Variants in CPT1C observed in about 807,000 individuals in gnomAD.
The protein encoded by CPT1C is carnitine palmitoyltransferase 1C, also known as palmitoyl thioesterase CPT1C.
A neutral mutation model predicts 97.3 loss-of-function variants in CPT1C; 61 were observed. The observed-to-expected ratio is 0.63, with a 90% CI of 0.51 to 0.78. The LOEUF (loss-of-function observed/expected upper bound fraction) is 0.78, where lower values mean the gene tolerates loss of function less well. CPT1C is among the 30% of genes least tolerant of loss of function. CPT1C has a pLI of 0.00. For synonymous variants in CPT1C, 469 were observed against 447.2 expected, an observed-to-expected ratio of 1.05 and a Z score of -0.61; for missense variants, 975 against 1,065.5, an observed-to-expected ratio of 0.92 and a Z score of 1.18.
chr19:49,711,378 AT>A (rs1194568041), intron 16 of CPT1C: 2 of 162,164 alleles, frequency 1.2e-5, no homozygotes, highest in African/African-American at 4.9e-5. Context: ...AAGTGCTGGG[AT>A]TACAGGCGTG....
In CPT1C at chr19:49,708,707, C is replaced by A. The variant is rs1168835732; in HGVS notation, c.1450-16C>A. The A allele has an allele frequency of 1.3e-6, 2 of 1,592,632 alleles. No individual in the cohort carries two copies. Among genetic ancestry groups the A allele is most frequent in the African/African-American group, 1.3e-5 (1 of 74,446 alleles). ...ACAGGGAGGAAGGGACTCTAACAGC[C>A]TCTGTTTGCCCACAGTTCACTCTGG... On this transcript the variant is annotated splice_polypyrimidine_tract_variant and intron_variant, in intron 13 of 19. Transcript: ENST00000598293.
At position 49,702,143 on chromosome 19, in the gene CPT1C, ATATT is replaced by A. The variant is rs1346424975; in HGVS notation, c.693+517_693+520del. Among the ~76,000 whole-genome samples the A allele has an allele frequency of 7.5e-4, 72 of 95,412 alleles. 5 individuals are homozygous for A. Among genetic ancestry groups the A allele is most frequent in the African/African-American group, 3.7e-3 (59 of 15,846 alleles). 62.6% of individuals were successfully genotyped at this position (95,412 alleles called of 152,430 possible). Reference sequence around the variant, plus strand: ...TTATTTATAAATTATAAATAAATATATATTTATTTATAAATTATAAATAAATATA... The same window carrying A: ...TTATTTATAAATTATAAATAAATATATATTTATAAATTATAAATAAATATA... On this transcript the variant is annotated intron_variant, in intron 7 of 19. Coordinates refer to ENST00000598293, the MANE Select transcript of CPT1C (RefSeq NM_001199753.2).
At position 49,705,038 on chromosome 19, in the gene CPT1C, A is replaced by G; in HGVS notation, c.803A>G (p.Gln268Arg). ...DFLYVTPTPL[Q>R]AARAGNAVHA... ...CTGTATGTCACACCCACGCCTCTGCAGGCAGCTCGCGCTGGGAATGCCGTC... is the reference window on the plus strand; with the variant it reads ...CTGTATGTCACACCCACGCCTCTGCGGGCAGCTCGCGCTGGGAATGCCGTC... The change falls in exon 9 of 20, where the codon CAG becomes CGG. Residue 268 changes from glutamine (Q) to arginine (R), a missense_variant. By Grantham distance (43) the Gln-to-Arg change is conservative. Around this residue, in one of 3 missense-constraint regions of CPT1C, gnomAD observed 596 missense variants for 603.1 expected, o/e 0.99. Coordinates refer to ENST00000598293, the MANE Select transcript of CPT1C (RefSeq NM_001199753.2). The G allele has an allele frequency of 6.2e-7, 1 of 1,608,268 alleles. No individual in the cohort carries two copies.
At chr19:49,702,619 C>CA (rs1175232968) in intron 7 of CPT1C, among the ~76,000 whole-genome samples, 93 of 75,726 alleles carry the variant, frequency 1.2e-3, no homozygotes, top group Middle Eastern at 0.017. Flanking sequence ...GACTCTGTCT[C>CA]AAAAAAAAAA....
chr19:49,712,046 A>T lies in CPT1C; in HGVS notation c.2019+85A>T. 2.0e-6 allele frequency: 3 copies of T among 1,515,620 alleles called. No homozygotes were observed. The South Asian group carries it at 3.7e-5, about 19-fold the overall frequency. 93.9% of individuals were successfully genotyped at this position (1,515,620 alleles called of 1,614,324 possible). ...TTTCAGGGAAGGAGGGTGATGTTGA[A>T]AAAGGACCCATCAAGGCCGGGCACG... On this transcript the variant is annotated intron_variant, in intron 17 of 19. Transcript: ENST00000598293.
chr19:49,693,788 G>A (rs186802940), intron 3 of CPT1C, among the ~76,000 whole-genome samples: 2 of 152,080 alleles, frequency 1.3e-5, no homozygotes, highest in African/African-American at 4.8e-5. Flanking sequence ...GTCGGGCACG[G>A]TGGCTCATGC....
Position 49,710,316 on chromosome 19 carries a change from G to T in CPT1C, c.1567-4G>T, listed in dbSNP as rs1449201040. 1.3e-5 allele frequency: 21 copies of T among 1,613,296 alleles called. No homozygotes were observed. Among genetic ancestry groups the T allele is most frequent in the Non-Finnish European group, 1.7e-5 (20 of 1,179,556 alleles). On this transcript the variant is annotated splice_region_variant and splice_polypyrimidine_tract_variant and intron_variant, in intron 14 of 19. Coordinates refer to ENST00000598293, the MANE Select transcript of CPT1C (RefSeq NM_001199753.2). ...ACTACTCCTCTTCCCTCCTCCTCTG[G>T]CAGATCCACTCCTCCATCTCTCTAG...
chr19:49,704,835 G>A, intron 8 of CPT1C, 48 bp downstream of exon 8: 4 of 1,560,302 alleles, frequency 2.6e-6, no homozygotes, highest in Non-Finnish European at 3.5e-6. Flanking sequence ...CTAGGGTTGG[G>A]GGGTACCTGG....
rs2123507562 is a variant in CPT1C at position 49,711,863 on chromosome 19, C to T, written c.1921C>T (p.Leu641=). The T allele has an allele frequency of 6.2e-7, 1 of 1,614,052 alleles. No individual in the cohort carries two copies. The highest frequency in any genetic ancestry group is 1.3e-5 in the African/African-American group (1 of 75,070). The part of the protein sequence containing the change: ...RVAVDKHQAL[L]KAAMSGQGVD... Reference sequence around the variant, plus strand: ...GGCAGTGGACAAGCACCAGGCTCTGCTGAAGGCAGCCATGAGCGGGCAGGG... The same window carrying T: ...GGCAGTGGACAAGCACCAGGCTCTGTTGAAGGCAGCCATGAGCGGGCAGGG... Residue 641 remains leucine, a synonymous_variant, in exon 17 of 20, where the codon CTG becomes TTG. Transcript: ENST00000598293.
At chr19:49,705,801 TA>T in intron 10 of CPT1C, 107 bp from the exon 11 acceptor site, 1 of 999,796 alleles carries the variant, frequency 1.0e-6, no homozygotes, top group Non-Finnish European at 1.5e-6. Context: ...TGATGATTAC[TA>T]GGGTACTTTG....
rs368211780 is a variant in CPT1C, at chr19:49,707,563, G to A, written c.1389G>A (p.Lys463=). ...SFTLIVFSNG[K]LGLSVEHSWA... is the part of the protein sequence containing the mutation. ...CCCTAATCGTCTTCTCTAACGGGAA[G>A]CTGGGCCTCAGCGTGGAGCACTCCT... Residue 463 remains lysine, a synonymous_variant, in exon 13 of 20, where the codon AAG becomes AAA. Transcript: ENST00000598293. 3.7e-6 allele frequency: 6 copies of A among 1,613,862 alleles called. No homozygotes were observed. Among genetic ancestry groups the A allele is most frequent in the Non-Finnish European group, 3.4e-6 (4 of 1,179,950 alleles).
intron 3 of CPT1C, among the ~76,000 whole-genome samples, chr19:49,693,996 C>T (rs1486496665): frequency 1.3e-5 from 2 of 151,652 alleles, no homozygotes; most frequent in Non-Finnish European, 2.9e-5. Flanking sequence ...ATCCGGGAGG[C>T]GGAGCTTGCA....
chr19:49,700,488 G>A (rs1454664426), intron 4 of CPT1C, among the ~76,000 whole-genome samples, 196 bp from the exon 5 acceptor site: 2 of 152,220 alleles, frequency 1.3e-5, no homozygotes, highest in Non-Finnish European at 1.5e-5. Context: ...TCCATGGAAA[G>A]TGACTTTGGA....
At chr19:49,708,631 C>G (rs1300564053) in intron 13 of CPT1C, 92 bp from the exon 14 acceptor site, 2 of 888,324 alleles carry the variant, frequency 2.3e-6, no homozygotes, top group African/African-American at 1.7e-5. Context: ...CTGCCCCCTA[C>G]CCGAAAAAGG....
chr19:49,710,237 C>T (rs2083772852), intron 14 of CPT1C, 83 bp from the exon 15 acceptor site: 3 of 1,371,470 alleles, frequency 2.2e-6, no homozygotes, highest in South Asian at 2.5e-5. Flanking sequence ...TCCACATCCA[C>T]CTCCGCTTCC....
intron 5 of CPT1C, 72 bp from the exon 6 acceptor site, chr19:49,701,245 C>A: frequency 7.6e-7 from 1 of 1,311,034 alleles, no homozygotes; most frequent in Non-Finnish European, 1.1e-6. Context: ...TTCTGTCCCA[C>A]TGTCGACCCC....
chr19:49,701,445 TGGGGCGGCC>T, intron 6 of CPT1C, 27 bp downstream of exon 6: 2 of 1,590,712 alleles, frequency 1.3e-6, no homozygotes, highest in Non-Finnish European at 1.7e-6. Flanking sequence ...GCAGACGGGC[TGGGGCGGCC>T]GGGGCGGGCC....
chr19:49,713,054 G>C lies in CPT1C; in HGVS notation c.2216G>C (p.Ser739Thr). Residue 739 changes from serine (S) to threonine (T), a missense_variant, in exon 19 of 20, where the codon AGC (serine) becomes ACC (threonine). This residue lies in a region of CPT1C where 344 missense variants were observed against 395.7 expected (regional missense o/e 0.87). Transcript: ENST00000598293. ...TTCCACATCTCCAGCAAAAAATCAA[G>C]CACAAAAACGGTGAGACAAACGTGT... Reference protein sequence around the residue: ...ITFHISSKKSSTKTDSHRLGQ... With the variant: ...ITFHISSKKSTTKTDSHRLGQ... The C allele has an allele frequency of 6.2e-7, 1 of 1,613,798 alleles. No homozygotes were observed. Among genetic ancestry groups the C allele is most frequent in the Non-Finnish European group, 8.5e-7 (1 of 1,179,712 alleles).
At chr19:49,711,046 G>A (rs2083843143) in intron 16 of CPT1C, 189 bp downstream of exon 16, 2 of 537,216 alleles carry the variant, frequency 3.7e-6, no homozygotes, top group South Asian at 3.0e-5. Context: ...TGTGATATCT[G>A]CTTTCATGGT....
Sources: gnomAD v4.1 joint callset for allele counts (sites outside exome capture counted in the v4.1 genomes callset) on GRCh38, gnomAD v4.1.1 for gene constraint, gnomAD v4.1.1 regional missense constraint, MANE v1.5 for transcripts, NCBI Gene and HGNC (gene_info 2026-07-23, HGNC 2026-07-21) for gene names.